RXFP1: variants seen among roughly 807,000 people sequenced by gnomAD.
The protein encoded by RXFP1 is relaxin family peptide receptor 1, also known as relaxin receptor 1.
In RXFP1, 73 loss-of-function variants were observed where a neutral mutation model predicts 89.8. The observed-to-expected ratio is 0.81, with a 90% CI of 0.67 to 0.99. The LOEUF is 0.99. Among genes scored for constraint, RXFP1 ranks in the 50% least tolerant of loss-of-function variants. RXFP1 has a pLI of 0.00. For synonymous variants in RXFP1, 277 were observed against 305.5 expected, an observed-to-expected ratio of 0.91 and a Z score of 0.97; for missense variants, 793 against 895.5, an observed-to-expected ratio of 0.89 and a Z score of 1.46.
Position 158,521,888 on chromosome 4 carries a change from A to G in RXFP1, c.-89A>G. On this transcript the variant is annotated 5_prime_UTR_variant, in exon 1 of 18. The change creates a new upstream start codon in the 5' untranslated region. Coordinates refer to ENST00000307765, the MANE Select transcript of RXFP1 (RefSeq NM_021634.4). The stretch of plus-strand genomic sequence containing the variant: ...AACTGCTAAGATTGCAGACAGAAAT[A>G]GCACACAACCACTGTGAGCTGTATG... 1 of 756,998 alleles carries G rather than the reference A, an allele frequency of 1.3e-6. No homozygotes were observed. Among genetic ancestry groups the G allele is most frequent in the African/African-American group, 1.8e-5 (1 of 56,066 alleles). The allele number at this position is 756,998 out of a possible 1,614,324, so 46.9% of individuals were successfully genotyped here.
At chr4:158,546,398 A>C (rs192714284) in intron 1 of RXFP1, among the ~76,000 whole-genome samples, 10 of 152,316 alleles carry the variant, frequency 6.6e-5, no homozygotes, top group Admixed American at 5.9e-4. Context: ...ATCTGCAAAC[A>C]GGGACAATTT....
chr4:158,623,289 A>G (rs1765980883), intron 9 of RXFP1, among the ~76,000 whole-genome samples: 1 of 151,268 alleles, frequency 6.6e-6, no homozygotes, highest in East Asian at 1.9e-4. Flanking sequence ...ACCTGAGGTC[A>G]GGAGTTTGAG....
chr4:158,554,482 A>T (rs1013568464), intron 1 of RXFP1, among the ~76,000 whole-genome samples: 1 of 152,220 alleles, frequency 6.6e-6, no homozygotes, highest in African/African-American at 2.4e-5. Context: ...ATACAAATAA[A>T]AGCAAACTAT....
At chr4:158,648,341 T>C (rs575353469) in intron 16 of RXFP1, among the ~76,000 whole-genome samples, 158 bp from the exon 17 acceptor site, 18 of 152,338 alleles carry the variant, frequency 1.2e-4, no homozygotes, top group Non-Finnish European at 1.0e-4. Flanking sequence ...TTGTGGACTT[T>C]AGTAATTCTT....
intron 2 of RXFP1, 100 bp from the exon 3 acceptor site, chr4:158,593,301 A>G (rs1759891194): frequency 1.9e-6 from 1 of 527,152 alleles, no homozygotes; most frequent in Admixed American, 3.9e-5. Context: ...CTACATTTGG[A>G]GAAACCACTG....
At chr4:158,649,080 T>G (rs1419744166) in intron 17 of RXFP1, among the ~76,000 whole-genome samples, 2 of 146,076 alleles carry the variant, frequency 1.4e-5, no homozygotes, top group African/African-American at 5.0e-5. Context: ...ACCACTACAC[T>G]CCAGCCTGGG....
intron 1 of RXFP1, among the ~76,000 whole-genome samples, chr4:158,542,079 C>CCATATATATATAGA (rs56378897): frequency 3.3e-5 from 1 of 29,854 alleles, no homozygotes; most frequent in African/African-American, 9.3e-5. Context: ...GCCACCATGG[C>CCATATATATATAGA]TATATATATA....
chr4:158,615,186 A>G (rs972899156), intron 8 of RXFP1, among the ~76,000 whole-genome samples: 5 of 152,158 alleles, frequency 3.3e-5, no homozygotes, highest in African/African-American at 9.7e-5. Flanking sequence ...GGAGAGAGAT[A>G]TGGGGGAATG....
chr4:158,527,564 A>AATATATATATATATATATATATAT (rs1553989424), intron 1 of RXFP1, among the ~76,000 whole-genome samples: 48 of 98,304 alleles, frequency 4.9e-4, no homozygotes, highest in African/African-American at 1.7e-3. Context: ...AAAAAAAAAA[A>AATATATATATATATATATATATAT]ATATATATAT....
At chr4:158,635,775 TC>T (rs1769025252) in intron 12 of RXFP1, among the ~76,000 whole-genome samples, 1 of 152,242 alleles carries the variant, frequency 6.6e-6, no homozygotes, top group East Asian at 1.9e-4. Context: ...TAACTGTGGC[TC>T]CCCCAGCAGT....
intron 1 of RXFP1, among the ~76,000 whole-genome samples, chr4:158,571,515 A>G (rs1755054461): frequency 6.6e-6 from 1 of 152,056 alleles, no homozygotes; most frequent in Non-Finnish European, 1.5e-5. Context: ...GAAAATATAA[A>G]ATTAGGCGTG....
chr4:158,603,150 C>T (rs1182148496), intron 4 of RXFP1, among the ~76,000 whole-genome samples: 1 of 152,092 alleles, frequency 6.6e-6, no homozygotes, highest in Non-Finnish European at 1.5e-5. Context: ...CACTATGTTG[C>T]CAAGCTGGTC....
intron 8 of RXFP1, 55 bp from the exon 9 acceptor site, chr4:158,617,076 C>T (rs879466343): frequency 8.3e-7 from 1 of 1,201,746 alleles, no homozygotes; most frequent in Non-Finnish European, 1.2e-6. Context: ...CATGTTTGAC[C>T]CAAGATGAGA....
In RXFP1 at chr4:158,612,269, A is replaced by T. The variant is rs538020721; in HGVS notation, c.609-22A>T. ...ATTCTAGAGATATATAAATGAATTA[A>T]TTTTTTTCTTCTGGCTGTCAGGATA... On this transcript the variant is annotated intron_variant, in intron 7 of 17. Transcript: ENST00000307765. 5.0e-6 allele frequency: 8 copies of T among 1,607,236 alleles called. No homozygotes were observed. The East Asian group carries it at 1.8e-4, about 36-fold the overall frequency.
chr4:158,614,082 A>T (rs1437076410), intron 8 of RXFP1, among the ~76,000 whole-genome samples: 1 of 152,164 alleles, frequency 6.6e-6, no homozygotes, highest in Non-Finnish European at 1.5e-5. Context: ...TCTGAGCAGT[A>T]GGTCCCAAGA....
intron 1 of RXFP1, among the ~76,000 whole-genome samples, chr4:158,533,659 A>G (rs1023044404): frequency 6.6e-6 from 1 of 152,184 alleles, no homozygotes; most frequent in African/African-American, 2.4e-5. Flanking sequence ...TTTTTAAGTC[A>G]CACACAAAAA....
At chr4:158,648,964 C>A (rs1188193654) in intron 17 of RXFP1, among the ~76,000 whole-genome samples, 1 of 152,066 alleles carries the variant, frequency 6.6e-6, no homozygotes, top group Non-Finnish European at 1.5e-5. Flanking sequence ...AATACAAAAA[C>A]TAGCTGGGCA....
intron 6 of RXFP1, chr4:158,610,627 T>C (rs750262951): frequency 8.0e-7 from 1 of 1,253,176 alleles, no homozygotes; most frequent in South Asian, 1.2e-5. Context: ...GGAGTGATTA[T>C]CTCAGGTCCA....
intron 1 of RXFP1, among the ~76,000 whole-genome samples, chr4:158,564,105 T>C (rs1320547816): frequency 1.3e-5 from 2 of 152,076 alleles, no homozygotes; most frequent in Non-Finnish European, 2.9e-5. Flanking sequence ...TTAGGAGTCA[T>C]AAATATGACA....
Sources: gnomAD v4.1 joint callset for allele counts (sites outside exome capture counted in the v4.1 genomes callset) on GRCh38, gnomAD v4.1.1 for gene constraint, MANE v1.5 for transcripts, NCBI Gene and HGNC (gene_info 2026-07-23, HGNC 2026-07-21) for gene names.